ARID1B: variants seen among roughly 807,000 people sequenced by gnomAD.
ARID1B encodes AT-rich interaction domain 1B, also known as AT-rich interactive domain-containing protein 1B.
Under a neutral mutation model 212.3 loss-of-function variants are expected in ARID1B, and 30 were observed. That is an observed-to-expected ratio of 0.14 (90% CI 0.11 to 0.19). The LOEUF is 0.19. Among genes scored for constraint, ARID1B ranks in the 10% least tolerant of loss-of-function variants. The probability of loss-of-function intolerance (pLI) is 1.00; values close to 1 mark genes in which losing one functional copy is unlikely to be tolerated. For synonymous variants in ARID1B, 1,402 were observed against 1,301.7 expected (o/e 1.08, Z -1.66); for missense variants, 2,891 against 3,204.0 (o/e 0.90, Z 2.36).
At chr6:156,804,885 AAAAAG>A (rs1282098181) in intron 1 of ARID1B, among the ~76,000 whole-genome samples, 5 of 151,520 alleles carry the variant, frequency 3.3e-5, no homozygotes, top group African/African-American at 1.2e-4. Flanking sequence ...AAAAAAAAAA[AAAAAG>A]AAATTGGCCC....
rs1271998171 is a variant in ARID1B, at chr6:157,148,276, G to T, written c.2762-348G>T. On this transcript the variant is annotated intron_variant, in intron 7 of 19. Coordinates refer to ENST00000636930, the MANE Select transcript of ARID1B (RefSeq NM_001374828.1). This position sits in a 1 kb window ranked among gnomAD's most constrained non-coding sequence, Gnocchi z 5.6. ...GCTCACCATTTTGGTTAAAATATAA[G>T]AATATGTGGTGTTGAATGGATTGAG... 6.6e-6 allele frequency among the ~76,000 whole-genome samples: 1 copy of T among 152,108 alleles called. No homozygotes were observed. Among genetic ancestry groups the T allele is most frequent in the African/African-American group, 2.4e-5 (1 of 41,436 alleles).
chr6:157,036,436 T>C (rs1309687357), intron 4 of ARID1B: 5 of 204,826 alleles, frequency 2.4e-5, no homozygotes, highest in Non-Finnish European at 5.0e-5. Flanking sequence ...CACACATGCA[T>C]AGTGAGATTG....
At chr6:156,962,327 AT>A (rs1170101080) in intron 4 of ARID1B, among the ~76,000 whole-genome samples, 1 of 152,176 alleles carries the variant, frequency 6.6e-6, no homozygotes, top group Non-Finnish European at 1.5e-5. Context: ...GTAAATGATA[AT>A]TCAGCAATAT....
At chr6:157,189,912 C>A in intron 14 of ARID1B, 126 bp from the exon 15 acceptor site, 1 of 1,570,954 alleles carries the variant, frequency 6.4e-7, no homozygotes, top group South Asian at 1.2e-5. Flanking sequence ...TGCCAGTTTT[C>A]TTCATGTCAT....
intron 4 of ARID1B, chr6:157,071,156 A>G (rs1196810599): frequency 6.6e-6 from 1 of 152,182 alleles, no homozygotes; most frequent in Admixed American, 6.5e-5. Flanking sequence ...TTTTATCCTT[A>G]GTACAATGTC....
intron 3 of ARID1B, among the ~76,000 whole-genome samples, chr6:156,920,651 T>G (rs1382622677): frequency 6.6e-6 from 1 of 152,140 alleles, no homozygotes; most frequent in African/African-American, 2.4e-5. Context: ...TTTTCTTTTT[T>G]TCTGCAAAAG....
At chr6:156,863,841 A>G (rs1785500427) in intron 2 of ARID1B, among the ~76,000 whole-genome samples, 1 of 152,098 alleles carries the variant, frequency 6.6e-6, no homozygotes, top group Admixed American at 6.6e-5. Context: ...GGCATTTTGG[A>G]TGGGTGCTGG....
At chr6:156,945,101 A>T (rs284417) in intron 4 of ARID1B, among the ~76,000 whole-genome samples, 53,447 of 106,912 alleles carry the variant, frequency 0.5, 10,579 homozygotes, top group African/African-American at 0.55. Flanking sequence ...TTTTTTGTAT[A>T]TTTTTTTTTT....
intron 2 of ARID1B, among the ~76,000 whole-genome samples, chr6:156,831,698 T>C (rs1277836073): frequency 2.6e-5 from 4 of 152,256 alleles, no homozygotes. Context: ...TCTTATACAC[T>C]TTTTAAATCC....
intron 2 of ARID1B, among the ~76,000 whole-genome samples, chr6:156,851,376 T>C (rs534314065): frequency 4.6e-5 from 7 of 152,356 alleles, no homozygotes; most frequent in African/African-American, 1.7e-4. Context: ...TGTTTAATTG[T>C]ATATTTAGGA....
chr6:156,964,101 T>C (rs1429253967), intron 4 of ARID1B, among the ~76,000 whole-genome samples: 1 of 152,248 alleles, frequency 6.6e-6, no homozygotes, highest in Non-Finnish European at 1.5e-5. Flanking sequence ...TGGGGGATGT[T>C]GTCCCCAGCC....
chr6:157,109,702 T>C (rs1786760640), intron 5 of ARID1B, among the ~76,000 whole-genome samples: 1 of 152,220 alleles, frequency 6.6e-6, no homozygotes, highest in Non-Finnish European at 1.5e-5. Flanking sequence ...CTTTTATCAG[T>C]ATAGTAAGAA....
chr6:156,984,395 T>C (rs1777798091), intron 4 of ARID1B, among the ~76,000 whole-genome samples: 1 of 152,214 alleles, frequency 6.6e-6, no homozygotes, highest in Non-Finnish European at 1.5e-5. Flanking sequence ...TGCCATGCTC[T>C]TTTAAGGTAC....
chr6:157,032,795 C>G (rs1389963901), intron 4 of ARID1B, among the ~76,000 whole-genome samples: 1 of 152,070 alleles, frequency 6.6e-6, no homozygotes, highest in African/African-American at 2.4e-5. Flanking sequence ...CAAAAATATT[C>G]TAAGTACATC....
intron 2 of ARID1B, among the ~76,000 whole-genome samples, chr6:156,890,721 C>T (rs1023158677): frequency 8.5e-5 from 13 of 152,230 alleles, no homozygotes; most frequent in Non-Finnish European, 1.9e-4. Flanking sequence ...ACTTCTTTCT[C>T]ATCCCGGGTC....
intron 3 of ARID1B, among the ~76,000 whole-genome samples, chr6:156,903,202 T>C (rs1389063959): frequency 6.6e-6 from 1 of 152,250 alleles, no homozygotes; most frequent in East Asian, 1.9e-4. Flanking sequence ...TTTAAATATT[T>C]AAAGCATACT....
At chr6:157,129,955 G>A (rs1415456121) in intron 6 of ARID1B, among the ~76,000 whole-genome samples, 1 of 152,170 alleles carries the variant, frequency 6.6e-6, no homozygotes, top group Non-Finnish European at 1.5e-5. Context: ...GATCATTTGA[G>A]GTCAGGCGTT....
chr6:156,836,370 C>T (rs1562422786), intron 2 of ARID1B, among the ~76,000 whole-genome samples: 2 of 152,074 alleles, frequency 1.3e-5, no homozygotes, highest in South Asian at 2.1e-4. Context: ...AGGGAGGCTA[C>T]GTGGGCAAGC....
intron 2 of ARID1B, among the ~76,000 whole-genome samples, chr6:156,843,667 A>G (rs1231241547): frequency 6.6e-6 from 1 of 152,230 alleles, no homozygotes; most frequent in Non-Finnish European, 1.5e-5. Context: ...CTAAATTTTA[A>G]AAATTGGTAT....
Sources: gnomAD v4.1 joint callset for allele counts (sites outside exome capture counted in the v4.1 genomes callset) on GRCh38, gnomAD v4.1.1 for gene constraint, Gnocchi (gnomAD v3.1) non-coding constraint, MANE v1.5 for transcripts, NCBI Gene and HGNC (gene_info 2026-07-23, HGNC 2026-07-21) for gene names.